PKD1L1: variants seen among roughly 807,000 people sequenced by gnomAD.
PKD1L1 encodes the protein polycystin 1 like 1, transient receptor potential channel interacting, also known as polycystin-1-like protein 1.
A neutral mutation model predicts 323.4 loss-of-function variants in PKD1L1; 236 were observed. The ratio of observed to expected loss-of-function variants is 0.73; its 90% CI spans 0.66 to 0.81. PKD1L1 has a LOEUF of 0.81. PKD1L1 is among the 40% of genes least tolerant of loss of function. The pLI is 0.00. For missense variants in PKD1L1, 3,320 were observed against 3,508.0 expected, an observed-to-expected ratio of 0.95 and a Z score of 1.35; for synonymous variants, 1,344 against 1,335.0, an observed-to-expected ratio of 1.01 and a Z score of -0.15.
intron 9 of PKD1L1, among the ~76,000 whole-genome samples, chr7:47,907,231 C>T (rs1195404831): frequency 6.6e-6 from 1 of 152,192 alleles, no homozygotes; most frequent in Non-Finnish European, 1.5e-5. Flanking sequence ...GGAAAGAATT[C>T]TTACATGGAT....
intron 54 of PKD1L1, among the ~76,000 whole-genome samples, chr7:47,800,144 G>A (rs191480559): frequency 2.0e-5 from 3 of 152,302 alleles, no homozygotes; most frequent in African/African-American, 2.4e-5. Flanking sequence ...TCCACTGAAG[G>A]AGTTTAAGCC....
At chr7:47,938,454 G>GC (rs1453157038) in intron 3 of PKD1L1, among the ~76,000 whole-genome samples, 2 of 152,100 alleles carry the variant, frequency 1.3e-5, no homozygotes, top group African/African-American at 4.8e-5. Flanking sequence ...TGAGACAGCT[G>GC]CATGTACCTA....
chr7:47,957,862 A>T, the PKD1L1 span, among the ~76,000 whole-genome samples: 71,249 of 130,956 alleles, frequency 0.54, 20,214 homozygotes, highest in East Asian at 0.7. Context: ...ATTAAAAAAA[A>T]ATATATATAT....
chr7:47,780,844 G>A (rs1786675329), intron 56 of PKD1L1, among the ~76,000 whole-genome samples: 1 of 152,190 alleles, frequency 6.6e-6, no homozygotes, highest in Non-Finnish European at 1.5e-5. Flanking sequence ...GTTCAGAGGT[G>A]TCACAAATAA....
At chr7:47,859,178 A>T (rs563173772) in intron 26 of PKD1L1, among the ~76,000 whole-genome samples, 155 of 152,320 alleles carry the variant, frequency 1.0e-3, no homozygotes, top group African/African-American at 3.5e-3. Flanking sequence ...CGGCCTCTTG[A>T]CCAAAGGAAA....
chr7:47,932,701 C>T (rs1787796233), intron 4 of PKD1L1, among the ~76,000 whole-genome samples: 1 of 152,230 alleles, frequency 6.6e-6, no homozygotes, highest in East Asian at 1.9e-4. Context: ...CGGCTCCAGG[C>T]CCCACCTCTG....
At chr7:47,939,915 C>T (rs1267556341) in intron 3 of PKD1L1, among the ~76,000 whole-genome samples, 2 of 152,112 alleles carry the variant, frequency 1.3e-5, no homozygotes, top group East Asian at 1.9e-4. Flanking sequence ...AGGGCAGCCC[C>T]CACTCCCCAC....
chr7:47,785,705 C>T (rs1191677773), intron 56 of PKD1L1, among the ~76,000 whole-genome samples: 2 of 151,796 alleles, frequency 1.3e-5, no homozygotes, highest in Non-Finnish European at 2.9e-5. Context: ...TCTAGGGCAT[C>T]ATACTTTCTG....
At chr7:47,827,528 G>C in intron 44 of PKD1L1, 60 bp from the exon 45 acceptor site, 1 of 1,425,826 alleles carries the variant, frequency 7.0e-7, no homozygotes, top group Non-Finnish European at 9.6e-7. Context: ...AGAGGCCCCT[G>C]GTGCTCCTGC....
At position 47,812,993 on chromosome 7, in the gene PKD1L1, G is replaced by A. The variant is rs1196423825; in HGVS notation, c.7346+128C>T. On this transcript the variant is annotated intron_variant, in intron 49 of 56. Transcript: ENST00000289672. Reference sequence around the variant, plus strand: ...ACAAGTCTGGCTGGAGCCCCTGGCAGTGGTGCGCTGACCTCGCAGGCCTGT... The same window carrying A: ...ACAAGTCTGGCTGGAGCCCCTGGCAATGGTGCGCTGACCTCGCAGGCCTGT... 7 of 1,117,454 alleles carry A rather than the reference G, an allele frequency of 6.3e-6. No individual in the cohort carries two copies. The African/African-American group carries it at 9.3e-5, about 15-fold the overall frequency. 69.2% of individuals were successfully genotyped at this position (1,117,454 alleles called of 1,614,324 possible).
At chr7:47,960,506 A>G in the PKD1L1 span, among the ~76,000 whole-genome samples, 1 of 151,500 alleles carries the variant, frequency 6.6e-6, no homozygotes, top group African/African-American at 2.4e-5. Flanking sequence ...CTGTTTTCAG[A>G]AATTAACGTA....
intron 7 of PKD1L1, among the ~76,000 whole-genome samples, chr7:47,920,288 C>A (rs367862894): frequency 6.3e-5 from 6 of 95,444 alleles, no homozygotes; most frequent in Non-Finnish European, 6.3e-5. Flanking sequence ...CCAAAACAAA[C>A]AAACAAAAAC....
intron 13 of PKD1L1, among the ~76,000 whole-genome samples, chr7:47,899,788 T>C (rs943570899): frequency 7.2e-5 from 11 of 151,798 alleles, no homozygotes; most frequent in East Asian, 3.9e-4. Flanking sequence ...AACCCTGTTT[T>C]TACTAAAAAT....
chr7:47,929,362 T>C lies in PKD1L1; in HGVS notation c.902A>G (p.Glu301Gly), dbSNP rs1787718293. The change falls in exon 7 of 57, where the codon GAA becomes GGA. Residue 301 changes from glutamate (E) to glycine (G), a missense_variant. Transcript: ENST00000289672. ...NPVLNCSLEV[E>G]ARAPPNLGFR... Reference sequence around the variant, plus strand: ...TCCCAGATTTGGAGGTGCCCGAGCTTCCACTTCCAGGGAGCAATTAAGAAC... The same window carrying C: ...TCCCAGATTTGGAGGTGCCCGAGCTCCCACTTCCAGGGAGCAATTAAGAAC... The C allele has an allele frequency of 6.2e-7, 1 of 1,614,188 alleles. No homozygotes were observed. The highest frequency in any genetic ancestry group is 8.5e-7 in the Non-Finnish European group (1 of 1,180,030).
rs375587693 is a variant in PKD1L1 at position 47,827,339 on chromosome 7, C to T, written c.6854+11G>A. On this transcript the variant is annotated intron_variant, in intron 45 of 56. Coordinates refer to ENST00000289672, the MANE Select transcript of PKD1L1 (RefSeq NM_138295.5). ...GTGGAGCAAGCCCTCCCGACAGAAG[C>T]CGCCACCCACCTCAGGGCAGCCCGT... 3.0e-5 allele frequency: 48 copies of T among 1,597,614 alleles called. No homozygotes were observed. In the African/African-American group the frequency reaches 5.4e-4, roughly 18 times the overall value.
upstream of PKD1L1, chr7:47,948,480 C>T: frequency 6.2e-7 from 1 of 1,601,828 alleles, no homozygotes; most frequent in Non-Finnish European, 8.6e-7. Context: ...AGTCAGCAGA[C>T]CAGCTTCTTC....
At chr7:47,954,146 C>T in the PKD1L1 span, among the ~76,000 whole-genome samples, 1 of 152,220 alleles carries the variant, frequency 6.6e-6, no homozygotes, top group Non-Finnish European at 1.5e-5. Flanking sequence ...TCATGGTGCG[C>T]TAAGACACGC....
Position 47,811,843 on chromosome 7 carries a change from G to T in PKD1L1, c.7555C>A (p.Leu2519Met). The T allele has an allele frequency of 6.2e-7, 1 of 1,608,038 alleles. No individual in the cohort carries two copies. Among genetic ancestry groups the T allele is most frequent in the South Asian group, 1.1e-5 (1 of 89,430 alleles). ...SFSIFRSDSA[L>M]QYHLMLPQLV... ...TGGGGAAGCATGAGGTGGTACTGCA[G>T]GGCTGAGTCGCTGCGGAAGATGCTG... Residue 2519 changes from leucine to methionine, a missense_variant, in exon 50 of 57, where the codon CTG becomes ATG. Coordinates refer to ENST00000289672, the MANE Select transcript of PKD1L1 (RefSeq NM_138295.5).
chr7:47,915,682 A>C, intron 7 of PKD1L1, 83 bp from the exon 8 acceptor site: 1 of 837,794 alleles, frequency 1.2e-6, no homozygotes, highest in Non-Finnish European at 1.8e-6. Flanking sequence ...AAAATCTGAA[A>C]GCTAGTTCTT....
Sources: gnomAD v4.1 joint callset for allele counts (sites outside exome capture counted in the v4.1 genomes callset) on GRCh38, gnomAD v4.1.1 for gene constraint, MANE v1.5 for transcripts, NCBI Gene and HGNC (gene_info 2026-07-23, HGNC 2026-07-21) for gene names.